FMN2: variants seen among roughly 807,000 people sequenced by gnomAD.
The protein encoded by FMN2 is formin-2.
FMN2 carries 51 observed loss-of-function variants against 142.3 expected under a neutral mutation model. The observed-to-expected ratio is 0.36, with a 90% CI of 0.29 to 0.45. The LOEUF (loss-of-function observed/expected upper bound fraction) is 0.45. Ranked by LOEUF, FMN2 falls within the 20% of genes least tolerant of loss-of-function variation. The probability of loss-of-function intolerance (pLI) is 1.00; values close to 1 mark genes in which losing one functional copy is unlikely to be tolerated. For synonymous variants in FMN2, 882 were observed against 869.8 expected, an observed-to-expected ratio of 1.01 and a Z score of -0.25; for missense variants, 1,936 against 2,122.8, an observed-to-expected ratio of 0.91 and a Z score of 1.73.
chr1:240,181,313 G>C (rs554616299), intron 3 of FMN2, among the ~76,000 whole-genome samples: 29 of 152,232 alleles, frequency 1.9e-4, no homozygotes, highest in African/African-American at 5.5e-4. Context: ...CTTTTTTCCA[G>C]CTCTTAAAAT....
Position 240,178,431 on chromosome 1 carries a change from CCTT to C in FMN2, c.1930+379_1930+381del, listed in dbSNP as rs796070816. Among the ~76,000 whole-genome samples the C allele has an allele frequency of 3.1e-3, 457 of 149,374 alleles. 11 individuals carry two copies. The highest frequency in any genetic ancestry group is 5.3e-3 in the South Asian group (25 of 4,712). ...ATGGTTGTTTTGTCCTTTTTTCCCC[CCTT>C]CTTCTTCTTCTTCTTTTTTTTTTTT... On this transcript the variant is annotated intron_variant, in intron 3 of 17. Coordinates refer to ENST00000319653, the MANE Select transcript of FMN2 (RefSeq NM_020066.5).
At chr1:240,256,584 CAAAAAAAA>C (rs34087707) in intron 6 of FMN2, among the ~76,000 whole-genome samples, 7 of 111,420 alleles carry the variant, frequency 6.3e-5, no homozygotes, top group African/African-American at 1.1e-4. Flanking sequence ...ACTAAAAATA[CAAAAAAAA>C]AAAAAAAAAA....
chr1:240,362,559 A>G (rs1278625952), intron 14 of FMN2, among the ~76,000 whole-genome samples: 1 of 152,118 alleles, frequency 6.6e-6, no homozygotes, highest in Non-Finnish European at 1.5e-5. Context: ...GTTTGGACAA[A>G]GTATACACAC....
chr1:240,246,166 C>T lies in FMN2; in HGVS notation c.4066-11779C>T, dbSNP rs180926601. Among the ~76,000 whole-genome samples, 37 of 151,900 alleles carry T rather than the reference C, an allele frequency of 2.4e-4. No homozygotes were observed. The East Asian group carries it at 4.8e-3, about 20-fold the overall frequency. On this transcript the variant is annotated intron_variant, in intron 6 of 17. Transcript: ENST00000319653. ...CTGCACTCCAGCCTGGGCGACAGAG[C>T]GAGACTCCCTCTCAAAAAATAAAAA...
intron 15 of FMN2, among the ~76,000 whole-genome samples, chr1:240,402,230 A>G (rs1674017767): frequency 6.6e-6 from 1 of 152,228 alleles, no homozygotes; most frequent in South Asian, 2.1e-4. Context: ...AATAGTATTA[A>G]AAACAAACAA....
intron 8 of FMN2, among the ~76,000 whole-genome samples, chr1:240,325,183 C>T (rs1251057505): frequency 6.6e-6 from 1 of 151,808 alleles, no homozygotes; most frequent in East Asian, 1.9e-4. Flanking sequence ...CATGGCAAAA[C>T]CCCGTCTCTA....
intron 2 of FMN2, among the ~76,000 whole-genome samples, chr1:240,167,926 GCCA>G (rs993776822): frequency 6.6e-6 from 1 of 151,962 alleles, no homozygotes; most frequent in African/African-American, 2.4e-5. Context: ...TAAATAATTG[GCCA>G]GGCATGGTGG....
intron 16 of FMN2, among the ~76,000 whole-genome samples, chr1:240,462,322 A>T: frequency 6.6e-6 from 1 of 152,308 alleles, no homozygotes; most frequent in Non-Finnish European, 1.5e-5. Context: ...TTCTTCTATA[A>T]GATAGAAGAA....
intron 15 of FMN2, among the ~76,000 whole-genome samples, chr1:240,425,025 A>G (rs1043766838): frequency 3.3e-5 from 5 of 152,220 alleles, no homozygotes; most frequent in African/African-American, 9.6e-5. Flanking sequence ...GTTAAATCCT[A>G]GTGGAGGGAG....
intron 2 of FMN2, among the ~76,000 whole-genome samples, chr1:240,174,505 C>T (rs1399455740): frequency 2.0e-5 from 3 of 152,090 alleles, no homozygotes; most frequent in Admixed American, 6.6e-5. Flanking sequence ...AAAGTGTGTG[C>T]CACCATCCCT....
chr1:240,368,992 T>G (rs759963710), intron 14 of FMN2, among the ~76,000 whole-genome samples: 5 of 151,288 alleles, frequency 3.3e-5, no homozygotes, highest in Admixed American at 1.3e-4. Flanking sequence ...GTAAAATTAT[T>G]CGTCAAGCAA....
At chr1:240,248,360 A>G (rs1055038669) in intron 6 of FMN2, among the ~76,000 whole-genome samples, 1 of 106,112 alleles carries the variant, frequency 9.4e-6, no homozygotes, top group African/African-American at 4.5e-5. Flanking sequence ...ATGTATGTAT[A>G]TGTTTTATGG....
intron 14 of FMN2, among the ~76,000 whole-genome samples, chr1:240,376,276 AAC>A (rs1353141282): frequency 6.6e-6 from 1 of 152,122 alleles, no homozygotes; most frequent in African/African-American, 2.4e-5. Context: ...TATCCTGCCA[AAC>A]AATCTCTGGC....
intron 15 of FMN2, among the ~76,000 whole-genome samples, chr1:240,395,782 C>T (rs1450936779): frequency 6.6e-6 from 1 of 152,132 alleles, no homozygotes; most frequent in Non-Finnish European, 1.5e-5. Flanking sequence ...GGAATCTACT[C>T]GTGGTTAAGA....
At chr1:240,339,926 T>C (rs1481655742) in intron 13 of FMN2, among the ~76,000 whole-genome samples, 3 of 152,110 alleles carry the variant, frequency 2.0e-5, no homozygotes, top group Non-Finnish European at 4.4e-5. Flanking sequence ...TCCAATAACA[T>C]TTAAGAAGAT....
chr1:240,334,228 AG>A lies in FMN2; in HGVS notation c.4765+1del. 1 of 1,593,526 alleles carries A rather than the reference AG, an allele frequency of 6.3e-7. No individual in the cohort carries two copies. Among genetic ancestry groups the A allele is most frequent in the East Asian group, 2.2e-5 (1 of 44,598 alleles). ...TCAGAAAACTGAAGAAAGACTTGAA[AG>A]GTAACTTAAAATCCTGAACTCATGT... ...DLRKLKKDLKACEVEAGKVYQ... is the reference protein window; with the variant it reads ...DLRKLKKDLKXCEVEAGKVYQ... On this transcript the variant is annotated frameshift_variant and splice_region_variant, in exon 13 of 18. Coordinates refer to ENST00000319653, the MANE Select transcript of FMN2 (RefSeq NM_020066.5). LOFTEE classifies it high-confidence loss of function.
At chr1:240,268,924 T>C (rs1459612043) in intron 7 of FMN2, among the ~76,000 whole-genome samples, 1 of 152,072 alleles carries the variant, frequency 6.6e-6, no homozygotes, top group Non-Finnish European at 1.5e-5. Context: ...TAGTTTGTTA[T>C]ATATTTAGAC....
Position 240,329,343 on chromosome 1 carries a change from C to G in FMN2, c.4312C>G (p.Leu1438Val). Residue 1438 changes from leucine to valine, a missense_variant, in exon 10 of 18, where the codon CTT (leucine) becomes GTT (valine). Physicochemically the swap from Leu to Val is conservative, Grantham distance 32 (BLOSUM62 1). Coordinates refer to ENST00000319653, the MANE Select transcript of FMN2 (RefSeq NM_020066.5). ...AACTTGGCTTTATTTCCTTAGGTTC[C>G]TTTATGAACTGTCACTAATCCCCAA... ...AKSLDKPEQF[L>V]YELSLIPNFS... 1.9e-6 allele frequency: 3 copies of G among 1,611,572 alleles called. No homozygotes were observed. The highest frequency in any genetic ancestry group is 2.5e-6 in the Non-Finnish European group (3 of 1,179,408).
chr1:240,369,434 T>G (rs920564489), intron 14 of FMN2, among the ~76,000 whole-genome samples: 50 of 152,188 alleles, frequency 3.3e-4, no homozygotes, highest in African/African-American at 1.2e-3. Context: ...CATTTTTGGT[T>G]TACATTTAAC....
Sources: allele counts gnomAD v4.1 joint callset (sites outside exome capture counted in the v4.1 genomes callset), GRCh38; gene constraint gnomAD v4.1.1; transcripts MANE v1.5; gene names NCBI Gene and HGNC (gene_info 2026-07-23, HGNC 2026-07-21).